Variants in CYFIP1 observed in about 807,000 individuals in gnomAD.
The protein encoded by CYFIP1 is cytoplasmic FMR1 interacting protein 1.
In CYFIP1, 58 loss-of-function variants were observed where a neutral mutation model predicts 163.5. The ratio of observed to expected loss-of-function variants is 0.35; its 90% CI spans 0.29 to 0.44. The LOEUF (loss-of-function observed/expected upper bound fraction) is 0.44, where lower values mean the gene tolerates loss of function less well. CYFIP1 is among the 20% of genes least tolerant of loss of function. The probability of loss-of-function intolerance (pLI) is 1.00; values close to 1 mark genes in which losing one functional copy is unlikely to be tolerated. For synonymous variants in CYFIP1, 663 were observed against 660.7 expected (o/e 1.00, Z -0.05); for missense variants, 1,338 against 1,653.8 (o/e 0.81, Z 3.31).
In CYFIP1 at chr15:22,944,757, G is replaced by A. The variant is rs539369487; in HGVS notation, c.286-98C>T. On this transcript the variant is annotated intron_variant, in intron 4 of 30. Coordinates refer to ENST00000617928, the MANE Select transcript of CYFIP1 (RefSeq NM_014608.6). Reference sequence around the variant, plus strand: ...TAGTGATCCCGCCCTGCTGTGGGGTGAGAACTGGGAGGAGAGTGGGCCAGG... The same window carrying A: ...TAGTGATCCCGCCCTGCTGTGGGGTAAGAACTGGGAGGAGAGTGGGCCAGG... 11 of 1,512,058 alleles carry A rather than the reference G, an allele frequency of 7.3e-6. No individual in the cohort carries two copies. The South Asian group carries it at 9.0e-5, about 12-fold the overall frequency. 93.7% of individuals were successfully genotyped at this position (1,512,058 alleles called of 1,614,324 possible). A position where few individuals can be genotyped will look rare whatever the true frequency, so the allele number is the denominator to read the frequency against.
At chr15:22,953,185 C>T (rs2062317226) in intron 1 of CYFIP1, among the ~76,000 whole-genome samples, 1 of 152,222 alleles carries the variant, frequency 6.6e-6, no homozygotes, top group Admixed American at 6.5e-5. Context: ...AAGGTCTCAG[C>T]CCTGGCAGCG....
intron 13 of CYFIP1, among the ~76,000 whole-genome samples, chr15:22,924,423 T>C (rs1326625778): frequency 6.6e-6 from 1 of 152,032 alleles, no homozygotes; most frequent in East Asian, 1.9e-4. Context: ...GGCTCCATCT[T>C]AAGAAAAATA....
chr15:22,961,750 C>T (rs1310794059), intron 1 of CYFIP1, among the ~76,000 whole-genome samples: 2 of 152,118 alleles, frequency 1.3e-5, no homozygotes, highest in Non-Finnish European at 2.9e-5. Flanking sequence ...TCCTTGGAAT[C>T]TTGGTATTTT....
chr15:22,892,186 C>A (rs779103526), intron 23 of CYFIP1, among the ~76,000 whole-genome samples: 8 of 152,198 alleles, frequency 5.3e-5, no homozygotes, highest in Non-Finnish European at 1.0e-4. Flanking sequence ...TGGGGATCTG[C>A]TTGTATTTGC....
chr15:22,912,587 G>A (rs1013219944), intron 17 of CYFIP1, among the ~76,000 whole-genome samples: 1 of 152,188 alleles, frequency 6.6e-6, no homozygotes, highest in Non-Finnish European at 1.5e-5. Flanking sequence ...AAGTACATAG[G>A]ATTTTTAACA....
chr15:22,926,791 C>T (rs1302322259), intron 12 of CYFIP1, among the ~76,000 whole-genome samples: 1 of 152,054 alleles, frequency 6.6e-6, no homozygotes, highest in East Asian at 1.9e-4. Context: ...AGAAATAAGA[C>T]AGTGTTAGAT....
intron 13 of CYFIP1, among the ~76,000 whole-genome samples, chr15:22,924,047 A>C (rs953438691): frequency 1.3e-5 from 2 of 152,136 alleles, no homozygotes; most frequent in Non-Finnish European, 2.9e-5. Flanking sequence ...TGGATGGATA[A>C]ATACAATGTA....
Position 22,909,208 on chromosome 15 carries a change from A to G in CYFIP1, c.2374T>C (p.Leu792=). 6.2e-7 allele frequency: 1 copy of G among 1,614,168 alleles called. No individual in the cohort carries two copies. Among genetic ancestry groups the G allele is most frequent in the Non-Finnish European group, 8.5e-7 (1 of 1,180,018 alleles). ...AAATTACTTACAACTATGGAGGTCAAATCTTCACTTTCAAATCGTCCAATC... is the reference window on the plus strand; with the variant it reads ...AAATTACTTACAACTATGGAGGTCAGATCTTCACTTTCAAATCGTCCAATC... ...LAIGRFESED[L]TSIVELDGLL... is the part of the protein sequence containing the mutation. Residue 792 remains leucine, a synonymous_variant, in exon 21 of 31, where the codon TTG becomes CTG. Coordinates refer to ENST00000617928, the MANE Select transcript of CYFIP1 (RefSeq NM_014608.6).
intron 1 of CYFIP1, chr15:22,947,764 G>T (rs959856017): frequency 2.5e-5 from 5 of 203,268 alleles, no homozygotes; most frequent in Admixed American, 5.9e-5. Flanking sequence ...TGGAAAAGAC[G>T]AGCGCCCTGC....
At chr15:22,921,355 G>A (rs1173380823) in intron 13 of CYFIP1, among the ~76,000 whole-genome samples, 3 of 150,622 alleles carry the variant, frequency 2.0e-5, no homozygotes, top group South Asian at 2.1e-4. Flanking sequence ...GTGACACAGC[G>A]AGACTCTGTC....
At chr15:22,903,967 T>C in intron 21 of CYFIP1, 62 bp from the exon 22 acceptor site, 1 of 1,498,134 alleles carries the variant, frequency 6.7e-7, no homozygotes, top group Non-Finnish European at 9.2e-7. Flanking sequence ...AGGCGCCGAG[T>C]GGCCTCTGAT....
At chr15:22,977,272 A>G (rs1386528407) in intron 1 of CYFIP1, among the ~76,000 whole-genome samples, 1 of 151,928 alleles carries the variant, frequency 6.6e-6, no homozygotes, top group East Asian at 1.9e-4. Context: ...TAACCTCATT[A>G]ATTAGTTCTA....
chr15:22,915,887 C>G (rs372332974), intron 16 of CYFIP1, among the ~76,000 whole-genome samples: 1 of 152,200 alleles, frequency 6.6e-6, no homozygotes, highest in Non-Finnish European at 1.5e-5. Context: ...AGCCCACACT[C>G]GAACTCCATC....
At chr15:22,915,194 G>T in intron 16 of CYFIP1, 1 of 228,580 alleles carries the variant, frequency 4.4e-6, no homozygotes, top group Non-Finnish European at 8.4e-6. Context: ...TGAGTGGCGC[G>T]ATCATAGCTT....
At chr15:22,969,066 G>T (rs574768537) in intron 1 of CYFIP1, among the ~76,000 whole-genome samples, 1 of 152,152 alleles carries the variant, frequency 6.6e-6, no homozygotes, top group Non-Finnish European at 1.5e-5. Context: ...CAGGCTCTGA[G>T]CATCAAATTT....
At position 22,980,327 on chromosome 15, in the gene CYFIP1, G is replaced by A. The variant is rs1567062476; in HGVS notation, c.-47C>T. On this transcript the variant is annotated 5_prime_UTR_variant, in exon 1 of 31. Transcript: ENST00000617928. The stretch of plus-strand genomic sequence containing the variant: ...CTTGGGGGTCCTGGGCGGGCCCTGG[G>A]AGTTTCCTTGGCCGAGTGAGTCACT... 1 of 151,776 alleles carries A rather than the reference G, an allele frequency of 6.6e-6. No individual in the cohort carries two copies. Among genetic ancestry groups the A allele is most frequent in the Non-Finnish European group, 1.5e-5 (1 of 67,902 alleles). The allele number at this position is 151,776 out of a possible 1,614,324, so 9.4% of individuals were successfully genotyped here.
intron 1 of CYFIP1, among the ~76,000 whole-genome samples, chr15:22,950,608 C>G (rs1235883973): frequency 6.6e-6 from 1 of 152,222 alleles, no homozygotes; most frequent in African/African-American, 2.4e-5. Context: ...ACGGAAAACT[C>G]CATTCACAAA....
intron 13 of CYFIP1, among the ~76,000 whole-genome samples, chr15:22,922,399 G>T (rs1442458559): frequency 2.0e-5 from 3 of 152,236 alleles, no homozygotes. Context: ...ATCGCTGGGA[G>T]AAATAAGCAC....
intron 6 of CYFIP1, among the ~76,000 whole-genome samples, chr15:22,940,593 G>C (rs143564698): frequency 6.6e-6 from 1 of 152,200 alleles, no homozygotes; most frequent in Non-Finnish European, 1.5e-5. Context: ...GTAGAGCCTC[G>C]ATCAGCTGCA....
Sources: gnomAD v4.1 joint callset for allele counts (sites outside exome capture counted in the v4.1 genomes callset) on GRCh38, gnomAD v4.1.1 for gene constraint, MANE v1.5 for transcripts, NCBI Gene and HGNC (gene_info 2026-07-23, HGNC 2026-07-21) for gene names.